Variants in SHLD1 observed in about 807,000 individuals in gnomAD.
SHLD1 encodes the protein RINN1-REV7-interacting novel NHEJ regulator 3.
Under a neutral mutation model 5.5 loss-of-function variants are expected in SHLD1, and 3 were observed. The observed-to-expected ratio is 0.54, with a 90% CI of 0.25 to 1.40. The LOEUF is 1.40. Ranked by LOEUF, SHLD1 falls within the 40% of genes most tolerant of loss-of-function variation. SHLD1 has a pLI of 0.15. For missense variants in SHLD1, 210 were observed against 244.4 expected (o/e 0.86, Z 0.94); for synonymous variants, 92 against 94.3 (o/e 0.98, Z 0.14).
chr20:5,771,519 T>A (rs1265251851), intron 1 of SHLD1, among the ~76,000 whole-genome samples: 1 of 152,196 alleles, frequency 6.6e-6, no homozygotes, highest in African/African-American at 2.4e-5. Flanking sequence ...TACAACACAC[T>A]GCTATCAGAA....
At chr20:5,764,193 T>TGTGTGTA (rs1331405597) in intron 1 of SHLD1, among the ~76,000 whole-genome samples, 2 of 74,986 alleles carry the variant, frequency 2.7e-5, no homozygotes, top group African/African-American at 1.2e-4. Context: ...TATATATATT[T>TGTGTGTA]TATATATATA....
chr20:5,751,060 C>A (rs1674497090), intron 1 of SHLD1, among the ~76,000 whole-genome samples: 1 of 152,140 alleles, frequency 6.6e-6, no homozygotes, highest in African/African-American at 2.4e-5. Flanking sequence ...AATTGTGCAT[C>A]TATTACTGTG....
chr20:5,756,775 C>A, intron 1 of SHLD1: 1 of 288,752 alleles, frequency 3.5e-6, no homozygotes. Flanking sequence ...CTGCAACCTC[C>A]GTCTTCCATC....
chr20:5,761,082 A>G (rs6053660), intron 1 of SHLD1, among the ~76,000 whole-genome samples: 8,134 of 152,164 alleles, frequency 0.053, 700 homozygotes, highest in African/African-American at 0.18. Context: ...AGCCATAAAA[A>G]ACAATGAGTT....
chr20:5,791,787 ACT>A (rs2087145376), intron 2 of SHLD1, among the ~76,000 whole-genome samples: 1 of 152,046 alleles, frequency 6.6e-6, no homozygotes, highest in South Asian at 2.1e-4. Context: ...TCAAAACTCG[ACT>A]CTCAAAAAAA....
At chr20:5,757,132 G>GC (rs34991749) in intron 1 of SHLD1, among the ~76,000 whole-genome samples, 49,427 of 142,910 alleles carry the variant, frequency 0.35, 9,019 homozygotes, top group East Asian at 0.64. Context: ...GTACAGTGGT[G>GC]CAATCTTGGC....
intron 1 of SHLD1, among the ~76,000 whole-genome samples, chr20:5,762,994 G>A (rs1239917744): frequency 7.1e-6 from 1 of 140,662 alleles, no homozygotes; most frequent in Non-Finnish European, 1.5e-5. Flanking sequence ...AAAAAAAATA[G>A]CACCTAATTG....
chr20:5,816,814 A>C (rs1434254772), intron 2 of SHLD1, among the ~76,000 whole-genome samples: 1 of 152,246 alleles, frequency 6.6e-6, no homozygotes, highest in Admixed American at 6.5e-5. Flanking sequence ...TCACACCTGT[A>C]ATCTCAGCAC....
chr20:5,830,063 G>A (rs1019846898), intron 2 of SHLD1, among the ~76,000 whole-genome samples: 1 of 152,122 alleles, frequency 6.6e-6, no homozygotes, highest in African/African-American at 2.4e-5. Flanking sequence ...TCTCAGATAA[G>A]CTGTTATACC....
intron 1 of SHLD1, among the ~76,000 whole-genome samples, chr20:5,769,249 G>T (rs1568492885): frequency 6.6e-6 from 1 of 152,184 alleles, no homozygotes; most frequent in African/African-American, 2.4e-5. Flanking sequence ...GTGCTGTGTG[G>T]TATTTCATTG....
chr20:5,817,563 C>T (rs539413064), intron 2 of SHLD1, among the ~76,000 whole-genome samples: 6 of 151,892 alleles, frequency 4.0e-5, no homozygotes, highest in African/African-American at 1.4e-4. Context: ...GTTTAGCTTG[C>T]TACCAAGGTT....
chr20:5,852,885 T>C (rs1239586135), intron 2 of SHLD1, among the ~76,000 whole-genome samples: 1 of 152,056 alleles, frequency 6.6e-6, no homozygotes, highest in Non-Finnish European at 1.5e-5. Flanking sequence ...TAGAGAGGAG[T>C]TTGGCTACTC....
At chr20:5,758,471 T>G (rs1369976555) in intron 1 of SHLD1, among the ~76,000 whole-genome samples, 1 of 150,948 alleles carries the variant, frequency 6.6e-6, no homozygotes, top group East Asian at 1.9e-4. Context: ...CAGGCTGGAG[T>G]GCAATGGCAC....
intron 1 of SHLD1, among the ~76,000 whole-genome samples, chr20:5,761,225 G>A (rs760888130): frequency 6.6e-6 from 1 of 151,970 alleles, no homozygotes; most frequent in South Asian, 2.1e-4. Flanking sequence ...AGGGACACAG[G>A]GAGGGGAACA....
intron 2 of SHLD1, among the ~76,000 whole-genome samples, chr20:5,857,065 T>A (rs2088097027): frequency 6.6e-6 from 1 of 152,178 alleles, no homozygotes; most frequent in Admixed American, 6.5e-5. Flanking sequence ...CACTGCAACC[T>A]CTGCCTCCCG....
intron 2 of SHLD1, among the ~76,000 whole-genome samples, chr20:5,773,975 G>A (rs1464024061): frequency 2.6e-5 from 4 of 152,204 alleles, no homozygotes; most frequent in South Asian, 2.1e-4. Context: ...AGGCCGAGGC[G>A]GGTGGATCAC....
intron 2 of SHLD1, 139 bp from the exon 3 acceptor site, chr20:5,862,883 GAA>G: frequency 2.7e-6 from 2 of 732,390 alleles, no homozygotes; most frequent in South Asian, 1.9e-5. Context: ...AACAGATTTT[GAA>G]ATCAGCTGAT....
intron 2 of SHLD1, among the ~76,000 whole-genome samples, chr20:5,818,689 A>G (rs905758905): frequency 6.6e-6 from 1 of 152,182 alleles, no homozygotes; most frequent in African/African-American, 2.4e-5. Context: ...TTATAAGCAT[A>G]TGGTAATGAG....
intron 2 of SHLD1, among the ~76,000 whole-genome samples, chr20:5,861,820 T>C (rs1285247617): frequency 6.6e-6 from 1 of 152,200 alleles, no homozygotes; most frequent in African/African-American, 2.4e-5. Context: ...GATATGTTTA[T>C]TGTAGCTACT....
Sources: allele counts gnomAD v4.1 joint callset (sites outside exome capture counted in the v4.1 genomes callset), GRCh38; gene constraint gnomAD v4.1.1; transcripts MANE v1.5; gene names NCBI Gene and HGNC (gene_info 2026-07-23, HGNC 2026-07-21).